The following ADAMTS2 variants were observed in gnomAD, a reference collection of about 807,000 sequenced individuals.
The protein encoded by ADAMTS2 is ADAM metallopeptidase with thrombospondin type 1 motif 2, also known as A disintegrin and metalloproteinase with thrombospondin motifs 2.
Under a neutral mutation model 123.0 loss-of-function variants are expected in ADAMTS2, and 50 were observed. That is an observed-to-expected ratio of 0.41 (90% CI 0.32 to 0.51). The LOEUF (loss-of-function observed/expected upper bound fraction) is 0.51, where lower values mean the gene tolerates loss of function less well. Among genes scored for constraint, ADAMTS2 ranks in the 20% least tolerant of loss-of-function variants. The pLI is 0.35. For synonymous variants in ADAMTS2, 678 were observed against 695.4 expected (o/e 0.98, Z 0.39); for missense variants, 1,494 against 1,705.2 (o/e 0.88, Z 2.18).
chr5:179,136,054 G>T lies in ADAMTS2; in HGVS notation c.1952-12C>A. 2 of 1,613,186 alleles carry T rather than the reference G, an allele frequency of 1.2e-6. No individual in the cohort carries two copies. Among genetic ancestry groups the T allele is most frequent in the Non-Finnish European group, 1.7e-6 (2 of 1,180,014 alleles). On this transcript the variant is annotated splice_polypyrimidine_tract_variant and intron_variant, in intron 12 of 21. Coordinates refer to ENST00000251582, the MANE Select transcript of ADAMTS2 (RefSeq NM_014244.5). ...GCATCTCTCCTTGGCTGGAAGGGAAGCAGCTGGGGGTCTGCAAGGAGCCCT... is the reference window on the plus strand; with the variant it reads ...GCATCTCTCCTTGGCTGGAAGGGAATCAGCTGGGGGTCTGCAAGGAGCCCT...
At chr5:179,191,272 G>C (rs991453801) in intron 4 of ADAMTS2, among the ~76,000 whole-genome samples, 2 of 152,202 alleles carry the variant, frequency 1.3e-5, no homozygotes, top group African/African-American at 4.8e-5. Flanking sequence ...ACTCTGCTGA[G>C]CTTGTCGGCT....
chr5:179,306,426 A>T (rs58320080), intron 2 of ADAMTS2, among the ~76,000 whole-genome samples: 9,344 of 152,292 alleles, frequency 0.061, 1,012 homozygotes, highest in African/African-American at 0.21. Context: ...ACTAAAAATT[A>T]AAAACTCTCA....
rs539016301 is a variant in ADAMTS2, at chr5:179,130,464, C to T, written c.2291-366G>A. Among the ~76,000 whole-genome samples the T allele has an allele frequency of 1.3e-5, 2 of 152,214 alleles. No individual in the cohort carries two copies. Among genetic ancestry groups the T allele is most frequent in the African/African-American group, 2.4e-5 (1 of 41,454 alleles). ...AGGATGGCTGGGAGGGGTCTGTACG[C>T]GGTGCAGGGCATCTGCTGGACAGGC... On this transcript the variant is annotated intron_variant, in intron 15 of 21. Transcript: ENST00000251582. The surrounding 1 kb of genome is among the most constrained non-coding windows in gnomAD (Gnocchi z 4.3).
At chr5:179,222,366 A>C (rs923447362) in intron 3 of ADAMTS2, among the ~76,000 whole-genome samples, 6 of 152,204 alleles carry the variant, frequency 3.9e-5, no homozygotes, top group African/African-American at 1.4e-4. Context: ...TTTAATCCCC[A>C]AGGCAGCCTC....
chr5:179,136,194 A>C, intron 12 of ADAMTS2, 152 bp from the exon 13 acceptor site: 2 of 1,112,480 alleles, frequency 1.8e-6, no homozygotes, highest in Non-Finnish European at 2.7e-6. Context: ...GGGTGACAGC[A>C]GCCCCCTTCC....
chr5:179,274,597 G>A (rs935676163), intron 2 of ADAMTS2, among the ~76,000 whole-genome samples: 15 of 152,346 alleles, frequency 9.8e-5, no homozygotes, highest in Non-Finnish European at 1.6e-4. Flanking sequence ...GTTGTGGGGG[G>A]GCACGGTGGC....
At position 179,226,536 on chromosome 5, in the gene ADAMTS2, C is replaced by T. The variant is rs186648200; in HGVS notation, c.689-18821G>A. Among the ~76,000 whole-genome samples, 5 of 152,104 alleles carry T rather than the reference C, an allele frequency of 3.3e-5. No homozygotes were observed. In the East Asian group the frequency reaches 9.7e-4, roughly 29 times the overall value. ...AGGTGATCCATCCACCCTGGCCTCC[C>T]ACAGTGTTGGTATTACGGGTATGAG... On this transcript the variant is annotated intron_variant, in intron 3 of 21. Coordinates refer to ENST00000251582, the MANE Select transcript of ADAMTS2 (RefSeq NM_014244.5).
Position 179,180,036 on chromosome 5 carries a change from T to C in ADAMTS2, c.975+1036A>G, listed in dbSNP as rs975884196. 2.0e-5 allele frequency among the ~76,000 whole-genome samples: 3 copies of C among 152,170 alleles called. No individual in the cohort carries two copies. Among genetic ancestry groups the C allele is most frequent in the Non-Finnish European group, 4.4e-5 (3 of 68,030 alleles). On this transcript the variant is annotated intron_variant, in intron 5 of 21. Transcript: ENST00000251582. This position sits in a 1 kb window ranked among gnomAD's most constrained non-coding sequence, Gnocchi z 4.6. ...GGCCCTGGCTGCTTACCTGGGCATG[T>C]CACTAAGTCACATTAAGCCTCGGTG...
intron 2 of ADAMTS2, among the ~76,000 whole-genome samples, chr5:179,323,616 G>A (rs1399669629): frequency 1.3e-5 from 2 of 152,250 alleles, no homozygotes; most frequent in Non-Finnish European, 2.9e-5. Flanking sequence ...GGAACTGAAA[G>A]CTGCCATTCC....
rs77770971 is a variant in ADAMTS2, at chr5:179,199,650, G to A, written c.891+7863C>T. On this transcript the variant is annotated intron_variant, in intron 4 of 21. Transcript: ENST00000251582. Reference sequence around the variant, plus strand: ...GCTGGGGGTGCACTCACTCTGCTAGGACCCCGTACCTGAGGAGCCTCCCCT... The same window carrying A: ...GCTGGGGGTGCACTCACTCTGCTAGAACCCCGTACCTGAGGAGCCTCCCCT... Among the ~76,000 whole-genome samples the A allele has an allele frequency of 8.5e-4, 129 of 152,196 alleles. 2 individuals carry two copies. The East Asian group carries it at 0.024, about 28-fold the overall frequency.
At chr5:179,173,347 AT>A (rs1289751411) in intron 5 of ADAMTS2, among the ~76,000 whole-genome samples, 1 of 152,192 alleles carries the variant, frequency 6.6e-6, no homozygotes, top group African/African-American at 2.4e-5. Flanking sequence ...TCCTGTTCAC[AT>A]TTGATGTGTT....
chr5:179,180,899 C>A lies in ADAMTS2; in HGVS notation c.975+173G>T, dbSNP rs1161602817. 6.6e-6 allele frequency among the ~76,000 whole-genome samples: 1 copy of A among 152,094 alleles called. No homozygotes were observed. The highest frequency in any genetic ancestry group is 2.4e-5 in the African/African-American group (1 of 41,402). On this transcript the variant is annotated intron_variant, in intron 5 of 21. Transcript: ENST00000251582. The surrounding 1 kb of genome is among the most constrained non-coding windows in gnomAD (Gnocchi z 4.6). ...CAATAGTAATGGCCACATTTTAAAA[C>A]AAGGGGTGAAAGGGAGCAGGGATCT...
At chr5:179,179,262 T>A (rs1581170917) in intron 5 of ADAMTS2, among the ~76,000 whole-genome samples, 1 of 151,734 alleles carries the variant, frequency 6.6e-6, no homozygotes, top group East Asian at 1.9e-4. Flanking sequence ...TAGGTTTTTT[T>A]TTTTTTTAAT....
intron 2 of ADAMTS2, among the ~76,000 whole-genome samples, chr5:179,296,168 C>T (rs1400542331): frequency 1.3e-5 from 2 of 152,144 alleles, no homozygotes; most frequent in African/African-American, 2.4e-5. Flanking sequence ...AGGATCCACA[C>T]CTCTGTGGTC....
intron 15 of ADAMTS2, among the ~76,000 whole-genome samples, chr5:179,131,786 T>TA (rs748029182): frequency 1.2e-4 from 18 of 152,212 alleles, no homozygotes; most frequent in Non-Finnish European, 1.8e-4. Flanking sequence ...AATTTAAAAT[T>TA]AAACGAATTG....
chr5:179,219,719 G>C (rs979153003), intron 3 of ADAMTS2, among the ~76,000 whole-genome samples: 1 of 152,198 alleles, frequency 6.6e-6, no homozygotes, highest in African/African-American at 2.4e-5. Context: ...AGCAGGGCTG[G>C]GGCTTCCTGT....
At chr5:179,193,646 C>T (rs1581179948) in intron 4 of ADAMTS2, among the ~76,000 whole-genome samples, 2 of 152,210 alleles carry the variant, frequency 1.3e-5, no homozygotes, top group African/African-American at 4.8e-5. Context: ...AGATCACAGT[C>T]GCTTTATGGG....
intron 5 of ADAMTS2, among the ~76,000 whole-genome samples, chr5:179,165,691 G>A (rs974824829): frequency 2.0e-5 from 3 of 152,192 alleles, no homozygotes; most frequent in East Asian, 1.9e-4. Context: ...TGGACATTTC[G>A]AGGCCCTGGG....
At chr5:179,209,525 CACACACACACATGCACACACATGT>C (rs1237267215) in intron 3 of ADAMTS2, among the ~76,000 whole-genome samples, 1 of 143,968 alleles carries the variant, frequency 6.9e-6, no homozygotes, top group African/African-American at 2.9e-5. Flanking sequence ...CACACATGCA[CACACACACACATGCACACACATGT>C]ACACACACAC....
Sources: allele counts gnomAD v4.1 joint callset (sites outside exome capture counted in the v4.1 genomes callset), GRCh38; gene constraint gnomAD v4.1.1; non-coding constraint Gnocchi (gnomAD v3.1); transcripts MANE v1.5; gene names NCBI Gene and HGNC (gene_info 2026-07-23, HGNC 2026-07-21).